Variants in NEBL observed in about 807,000 individuals in gnomAD.
NEBL encodes the protein LIM and SH3 protein 2.
NEBL carries 122 observed loss-of-function variants against 140.2 expected under a neutral mutation model. The observed-to-expected ratio is 0.87, with a 90% confidence interval of 0.75 to 1.01. The LOEUF is 1.01. Among genes scored for constraint, NEBL ranks in the 50% least tolerant of loss-of-function variants. NEBL has a pLI of 0.00. For missense variants in NEBL, 1,365 were observed against 1,231.3 expected (o/e 1.11, Z -1.62); for synonymous variants, 436 against 398.9 (o/e 1.09, Z -1.11).
At chr10:20,905,751 T>C (rs889781423) in intron 4 of NEBL, among the ~76,000 whole-genome samples, 1 of 152,192 alleles carries the variant, frequency 6.6e-6, no homozygotes, top group Non-Finnish European at 1.5e-5. Flanking sequence ...CCAAAAGTTC[T>C]ATGTCACTGG....
In NEBL at chr10:21,154,927, G is replaced by A. The variant is rs553941397; in HGVS notation, c.164+17456C>T. Among the ~76,000 whole-genome samples the A allele has an allele frequency of 6.6e-4, 101 of 152,308 alleles. No individual in the cohort carries two copies. In the Middle Eastern group the frequency reaches 0.01, roughly 15 times the overall value. On this transcript the variant is annotated intron_variant, in intron 2 of 6. Coordinates refer to the NEBL transcript ENST00000417816. ...ATAATAATCACATCATAGGCTGGGC[G>A]TAGTGGCTCACGCCTGTAATCCCAG...
At chr10:20,929,978 C>T (rs1834105699) in intron 4 of NEBL, among the ~76,000 whole-genome samples, 1 of 152,148 alleles carries the variant, frequency 6.6e-6, no homozygotes, top group Non-Finnish European at 1.5e-5. Flanking sequence ...GGCCACTTCT[C>T]ATTTCTATCT....
At chr10:21,016,717 C>T (rs1838570929) in intron 3 of NEBL, among the ~76,000 whole-genome samples, 1 of 152,120 alleles carries the variant, frequency 6.6e-6, no homozygotes, top group Non-Finnish European at 1.5e-5. Flanking sequence ...AGTCAATTTT[C>T]CACCAAAACC....
At chr10:20,858,117 GT>G (rs1843272460) in intron 9 of NEBL, 122 bp downstream of exon 9, 1 of 757,372 alleles carries the variant, frequency 1.3e-6, no homozygotes, top group African/African-American at 1.7e-5. Flanking sequence ...CAATGAGTTA[GT>G]TAACGAGGGA....
chr10:21,165,590 A>G (rs1840726494), intron 2 of NEBL, among the ~76,000 whole-genome samples: 1 of 152,206 alleles, frequency 6.6e-6, no homozygotes, highest in African/African-American at 2.4e-5. Context: ...TCTAAATGCC[A>G]GGCTCATCTA....
At chr10:20,916,085 T>C (rs1189693639) in intron 4 of NEBL, among the ~76,000 whole-genome samples, 1 of 152,158 alleles carries the variant, frequency 6.6e-6, no homozygotes, top group Non-Finnish European at 1.5e-5. Context: ...ATTTACTAGA[T>C]GAGAAGTAAA....
At chr10:21,255,874 CG>C (rs1842652919) in intron 1 of NEBL, among the ~76,000 whole-genome samples, 1 of 150,966 alleles carries the variant, frequency 6.6e-6, no homozygotes, top group African/African-American at 2.4e-5. Context: ...CCCAGCTACT[CG>C]GGAGGCTGAG....
rs1288179305 is a variant in NEBL at position 21,169,061 on chromosome 10, AAAAAAAATATATATATATAT to A, written c.164+3302_164+3321del. 9.8e-3 allele frequency among the ~76,000 whole-genome samples: 411 copies of A among 41,746 alleles called. 23 individuals are homozygous for A. The highest frequency in any genetic ancestry group is 0.017 in the Admixed American group (53 of 3,096). The allele number at this position is 41,746 out of a possible 152,430, so 27.4% of individuals were successfully genotyped here. On this transcript the variant is annotated intron_variant, in intron 2 of 6. Transcript: ENST00000417816. ...GAGACTCCGTCTACAAAAAAAAAAA[AAAAAAAATATATATATATAT>A]ATATATATATATATATATATATATA...
At chr10:21,060,056 T>C (rs1333904146) in intron 2 of NEBL, among the ~76,000 whole-genome samples, 1 of 152,228 alleles carries the variant, frequency 6.6e-6, no homozygotes, top group Non-Finnish European at 1.5e-5. Context: ...TGTGACACTC[T>C]CTTCACTATG....
At chr10:21,048,793 C>T (rs911934247) in intron 2 of NEBL, among the ~76,000 whole-genome samples, 11 of 151,980 alleles carry the variant, frequency 7.2e-5, no homozygotes, top group South Asian at 2.1e-4. Context: ...GTCAGGAGTA[C>T]GAGACCAGCC....
intron 3 of NEBL, among the ~76,000 whole-genome samples, chr10:21,202,619 T>A (rs372858297): frequency 6.6e-6 from 1 of 151,776 alleles, no homozygotes; most frequent in Non-Finnish European, 1.5e-5. Flanking sequence ...CCTGCCACCA[T>A]GCCCGGCTAA....
At chr10:20,914,201 T>C (rs992494127) in intron 4 of NEBL, among the ~76,000 whole-genome samples, 1 of 152,202 alleles carries the variant, frequency 6.6e-6, no homozygotes, top group African/African-American at 2.4e-5. Context: ...CTGTGGATAA[T>C]TCGATGTCAG....
chr10:20,825,279 G>A (rs1839726163), intron 18 of NEBL, among the ~76,000 whole-genome samples: 1 of 152,098 alleles, frequency 6.6e-6, no homozygotes, highest in Admixed American at 6.6e-5. Context: ...TACTTAAAGG[G>A]AAGGTGCTCT....
chr10:20,841,131 G>A (rs1053829861), intron 12 of NEBL, among the ~76,000 whole-genome samples: 3 of 151,826 alleles, frequency 2.0e-5, no homozygotes, highest in Non-Finnish European at 4.4e-5. Flanking sequence ...CTCTTTCAAT[G>A]GTGAGGAAGA....
At chr10:21,274,467 C>A (rs1842895139) in intron 1 of NEBL, among the ~76,000 whole-genome samples, 1 of 152,086 alleles carries the variant, frequency 6.6e-6, no homozygotes, top group Non-Finnish European at 1.5e-5. Flanking sequence ...CCTCTGTTGC[C>A]CAGGCTGGAG....
intron 4 of NEBL, among the ~76,000 whole-genome samples, chr10:20,936,842 A>C (rs1341971504): frequency 2.6e-5 from 4 of 152,216 alleles, no homozygotes; most frequent in Admixed American, 2.0e-4. Flanking sequence ...CTTATGAATA[A>C]GCTTGGGTCG....
intron 2 of NEBL, among the ~76,000 whole-genome samples, chr10:21,083,556 C>A (rs538541970): frequency 1.3e-4 from 20 of 152,124 alleles, no homozygotes; most frequent in Non-Finnish European, 2.5e-4. Flanking sequence ...CCGCTCCTCT[C>A]AGAGAAGTCC....
intron 3 of NEBL, among the ~76,000 whole-genome samples, chr10:21,229,113 T>C (rs1025079190): frequency 3.9e-5 from 6 of 152,200 alleles, no homozygotes; most frequent in African/African-American, 1.4e-4. Context: ...CTGAGTAGTA[T>C]AAATTCCATA....
chr10:21,185,487 CTTTTTTTTTTTTTTT>C (rs10612676), intron 3 of NEBL, among the ~76,000 whole-genome samples: 4 of 72,076 alleles, frequency 5.5e-5, no homozygotes, highest in African/African-American at 3.0e-4. Context: ...ATTTTCTTTC[CTTTTTTTTTTTTTTT>C]TTTTTTTTTT....
Sources: allele counts gnomAD v4.1 joint callset (sites outside exome capture counted in the v4.1 genomes callset), GRCh38; gene constraint gnomAD v4.1.1; transcripts MANE v1.5; gene names NCBI Gene and HGNC (gene_info 2026-07-23, HGNC 2026-07-21).